The following ASXL3 variants were observed in gnomAD, a reference collection of about 807,000 sequenced individuals.
ASXL3 encodes the protein putative Polycomb group protein ASXL3.
A neutral mutation model predicts 170.6 loss-of-function variants in ASXL3; 34 were observed. That is an observed-to-expected ratio of 0.20 (90% confidence interval 0.15 to 0.27). The LOEUF is 0.27. Ranked by LOEUF, ASXL3 falls within the 10% of genes least tolerant of loss-of-function variation. The pLI is 1.00. For missense variants in ASXL3, 2,592 were observed against 2,695.3 expected (o/e 0.96, Z 0.85); for synonymous variants, 1,002 against 989.1 (o/e 1.01, Z -0.24).
rs977006181 is a variant in ASXL3 at position 33,746,911 on chromosome 18, A to T, written c.*316A>T. The T allele has an allele frequency of 4.1e-6, 1 of 245,546 alleles. No individual in the cohort carries two copies. Among genetic ancestry groups the T allele is most frequent in the African/African-American group, 2.2e-5 (1 of 44,920 alleles). The allele number at this position is 245,546 out of a possible 1,614,324, so 15.2% of individuals were successfully genotyped here. On this transcript the variant is annotated 3_prime_UTR_variant, in exon 12 of 12. Coordinates refer to ENST00000269197, the MANE Select transcript of ASXL3 (RefSeq NM_030632.3). ...TAACCGAGGTGTAGATAGGAAAAGG[A>T]CATTTTTAATTACTTAATAACCGGA...
At chr18:33,656,034 A>G (rs2066079205) in intron 4 of ASXL3, among the ~76,000 whole-genome samples, 1 of 151,990 alleles carries the variant, frequency 6.6e-6, no homozygotes, top group Non-Finnish European at 1.5e-5. Flanking sequence ...TTATACAGTG[A>G]TTGGCATGAG....
chr18:33,605,488 T>A (rs1347688666), intron 1 of ASXL3: 1 of 152,182 alleles, frequency 6.6e-6, no homozygotes, highest in Non-Finnish European at 1.5e-5. Context: ...CCTTCCTGCC[T>A]CTCATCCACT....
At chr18:33,601,783 T>TTATATATATATATATATATATATATATA in intron 1 of ASXL3, among the ~76,000 whole-genome samples, 1 of 68,568 alleles carries the variant, frequency 1.5e-5, no homozygotes, top group Non-Finnish European at 3.6e-5. Context: ...AAATATCTGA[T>TTATATATATATATATATATATATATATA]TGTATATATA....
intron 1 of ASXL3, among the ~76,000 whole-genome samples, chr18:33,591,620 G>T (rs2065077967): frequency 6.6e-6 from 1 of 150,652 alleles, no homozygotes; most frequent in Non-Finnish European, 1.5e-5. Context: ...ATTTCCTTTC[G>T]ATCTTCTAAT....
chr18:33,748,667 T>C lies in ASXL3; in HGVS notation c.*2072T>C, dbSNP rs753281825. 2.0e-5 allele frequency: 3 copies of C among 152,230 alleles called. No homozygotes were observed. In the East Asian group the frequency reaches 5.8e-4, roughly 29 times the overall value. 9.4% of individuals were successfully genotyped at this position (152,230 alleles called of 1,614,324 possible). On this transcript the variant is annotated 3_prime_UTR_variant, in exon 12 of 12. Coordinates refer to ENST00000269197, the MANE Select transcript of ASXL3 (RefSeq NM_030632.3). ...TGTCTTTGTCTGCCTGGCTCTGATATCATCCTGATTTCGAAGATCATGCTG... is the reference window on the plus strand; with the variant it reads ...TGTCTTTGTCTGCCTGGCTCTGATACCATCCTGATTTCGAAGATCATGCTG...
chr18:33,744,568 G>A lies in ASXL3; in HGVS notation c.4720G>A (p.Ala1574Thr), dbSNP rs1402523776. The change falls in exon 12 of 12, where the codon GCT becomes ACT. Residue 1574 changes from alanine (A) to threonine (T), a missense_variant. Physicochemically the swap from Ala to Thr is moderately conservative, Grantham distance 58. Transcript: ENST00000269197. ...TCCAGATAAATTAAATGAGCCGACT[G>A]CTCCCAGTCATAACTTTGCTGAGCA... ...LVPDKLNEPTAPSHNFAEQAR... is the reference protein window; with the variant it reads ...LVPDKLNEPTTPSHNFAEQAR... The A allele has an allele frequency of 2.5e-6, 4 of 1,611,332 alleles. No individual in the cohort carries two copies. The East Asian group carries it at 8.9e-5, about 36-fold the overall frequency.
At chr18:33,683,323 T>G (rs1284716903) in intron 7 of ASXL3, 82 bp from the exon 8 acceptor site, 1 of 1,199,308 alleles carries the variant, frequency 8.3e-7, no homozygotes, top group South Asian at 1.8e-5. Context: ...TCACTAGATA[T>G]ATGTGGCTGT....
At chr18:33,727,159 C>A (rs1351472585) in intron 8 of ASXL3, among the ~76,000 whole-genome samples, 1 of 151,944 alleles carries the variant, frequency 6.6e-6, no homozygotes, top group Non-Finnish European at 1.5e-5. Flanking sequence ...AGAATGAAAT[C>A]TAGATTGCTT....
chr18:33,637,805 G>A (rs2065791261), intron 2 of ASXL3, among the ~76,000 whole-genome samples: 1 of 152,100 alleles, frequency 6.6e-6, no homozygotes. Context: ...AGTCATCTTG[G>A]AATAAACTAA....
chr18:33,744,825 T>C lies in ASXL3; in HGVS notation c.4977T>C (p.Asn1659=), dbSNP rs1437904575. ...ACGTGTCAGAACTTCATCCCAGGAA[T>C]CTTGTAACAAATGTTGCTCTTCCTG... ...YLNVSELHPR[N]LVTNVALPVK... The change falls in exon 12 of 12, where the codon AAT becomes AAC. Residue 1659 remains asparagine, a synonymous_variant. Coordinates refer to ENST00000269197, the MANE Select transcript of ASXL3 (RefSeq NM_030632.3). The C allele has an allele frequency of 2.5e-6, 4 of 1,614,020 alleles. No homozygotes were observed. The East Asian group carries it at 8.9e-5, about 36-fold the overall frequency.
chr18:33,747,409 G>T lies in ASXL3; in HGVS notation c.*814G>T, dbSNP rs2067814084. On this transcript the variant is annotated 3_prime_UTR_variant, in exon 12 of 12. Coordinates refer to ENST00000269197, the MANE Select transcript of ASXL3 (RefSeq NM_030632.3). ...CTTCATGTGTGGCTTTTAAGAGCAG[G>T]TTTGAAAAAAAAAAAAAAAAGACCC... is the stretch of plus-strand genomic sequence containing the variant. The T allele has an allele frequency of 7.1e-6, 1 of 141,444 alleles. No homozygotes were observed. Among genetic ancestry groups the T allele is most frequent in the African/African-American group, 2.6e-5 (1 of 38,198 alleles). 8.8% of individuals were successfully genotyped at this position (141,444 alleles called of 1,614,324 possible).
At chr18:33,728,229 C>T (rs534833872) in intron 8 of ASXL3, among the ~76,000 whole-genome samples, 34 of 152,128 alleles carry the variant, frequency 2.2e-4, no homozygotes, top group African/African-American at 7.0e-4. Flanking sequence ...AGTGTTACAC[C>T]GACTATAAAA....
In ASXL3 at chr18:33,745,634, A is replaced by G; in HGVS notation, c.5786A>G (p.Gln1929Arg). 1 of 1,613,934 alleles carries G rather than the reference A, an allele frequency of 6.2e-7. No homozygotes were observed. Among genetic ancestry groups the G allele is most frequent in the Non-Finnish European group, 8.5e-7 (1 of 1,179,850 alleles). Reference protein sequence around the residue: ...FHTDAGTSHRQQFYQMPVAAR... With the variant: ...FHTDAGTSHRRQFYQMPVAAR... ...ACTGACGCTGGTACCTCACACAGAC[A>G]GCAGTTTTACCAAATGCCTGTGGCT... The change falls in exon 12 of 12, where the codon CAG (glutamine) becomes CGG (arginine). Residue 1929 changes from glutamine to arginine, a missense_variant. Transcript: ENST00000269197.
At chr18:33,668,155 A>G (rs549811049) in intron 5 of ASXL3, among the ~76,000 whole-genome samples, 2 of 152,246 alleles carry the variant, frequency 1.3e-5, no homozygotes, top group South Asian at 2.1e-4. Context: ...CTGAAATTCT[A>G]TAAAATTCTT....
chr18:33,734,922 T>C (rs1390009979), intron 10 of ASXL3, among the ~76,000 whole-genome samples: 1 of 152,218 alleles, frequency 6.6e-6, no homozygotes, highest in Non-Finnish European at 1.5e-5. Flanking sequence ...GTATGTGTGC[T>C]GCTTTTTTTA....
At position 33,749,424 on chromosome 18, in the gene ASXL3, C is replaced by A. The variant is rs1467802407; in HGVS notation, c.*2829C>A. The A allele has an allele frequency of 6.6e-6, 1 of 151,728 alleles. No individual in the cohort carries two copies. The highest frequency in any genetic ancestry group is 1.5e-5 in the Non-Finnish European group (1 of 67,984). 9.4% of individuals were successfully genotyped at this position (151,728 alleles called of 1,614,324 possible). A position where few individuals can be genotyped will look rare whatever the true frequency, so the allele number is the denominator to read the frequency against. ...TTATTCTTATCAGGAATAGAACTTG[C>A]ACATGTACCATACAATTTTTTTTTT... On this transcript the variant is annotated 3_prime_UTR_variant, in exon 12 of 12. Transcript: ENST00000269197.
At chr18:33,586,343 C>T (rs1298172472) in intron 1 of ASXL3, among the ~76,000 whole-genome samples, 5 of 152,138 alleles carry the variant, frequency 3.3e-5, no homozygotes, top group Admixed American at 3.3e-4. Context: ...ACCACCACCC[C>T]AAATGTGCAC....
intron 5 of ASXL3, 95 bp downstream of exon 5, chr18:33,661,832 G>A: frequency 7.5e-7 from 1 of 1,328,442 alleles, no homozygotes; most frequent in Non-Finnish European, 1.0e-6. Flanking sequence ...CTAGCAATCA[G>A]AAAGCAGAAT....
intron 1 of ASXL3, among the ~76,000 whole-genome samples, chr18:33,602,663 A>C (rs995440106): frequency 1.3e-5 from 2 of 152,122 alleles, no homozygotes; most frequent in African/African-American, 4.8e-5. Context: ...TATTATACTT[A>C]AACATTGTCA....
Sources: allele counts gnomAD v4.1 joint callset (sites outside exome capture counted in the v4.1 genomes callset), GRCh38; gene constraint gnomAD v4.1.1; transcripts MANE v1.5; gene names NCBI Gene and HGNC (gene_info 2026-07-23, HGNC 2026-07-21).